Variants in FBXO4 observed in about 807,000 individuals in gnomAD.
The protein encoded by FBXO4 is F-box only protein 4.
FBXO4 carries 36 observed loss-of-function variants against 43.7 expected under a neutral mutation model. The ratio of observed to expected loss-of-function variants is 0.82; its 90% confidence interval spans 0.63 to 1.09. The LOEUF is 1.09. Ranked by LOEUF, FBXO4 falls within the 50% of genes least tolerant of loss-of-function variation. FBXO4 has a pLI of 0.00. For missense variants in FBXO4, 435 were observed against 474.1 expected (o/e 0.92, Z 0.77); for synonymous variants, 180 against 165.6 (o/e 1.09, Z -0.67).
chr5:41,949,198 T>C, the FBXO4 span, among the ~76,000 whole-genome samples: 881 of 152,264 alleles, frequency 5.8e-3, 2 homozygotes, highest in Non-Finnish European at 1.0e-2. Flanking sequence ...AACATAGTAA[T>C]GGAAGTTCTG....
chr5:41,976,391 A>G, the FBXO4 span, among the ~76,000 whole-genome samples: 1 of 152,300 alleles, frequency 6.6e-6, no homozygotes, highest in East Asian at 1.9e-4. Flanking sequence ...CCACTGATGA[A>G]CCTATAAAAT....
chr5:41,992,192 T>A, the FBXO4 span, among the ~76,000 whole-genome samples: 1 of 152,328 alleles, frequency 6.6e-6, no homozygotes, highest in African/African-American at 2.4e-5. Flanking sequence ...TAGCTCTTTA[T>A]ATACTATTGG....
the FBXO4 span, among the ~76,000 whole-genome samples, chr5:41,966,106 A>G: frequency 1.3e-5 from 2 of 152,152 alleles, no homozygotes; most frequent in African/African-American, 2.4e-5. Flanking sequence ...ATGAGAACAC[A>G]TGGACACAGG....
the FBXO4 span, among the ~76,000 whole-genome samples, chr5:41,979,833 AT>A: frequency 1.3e-5 from 2 of 152,222 alleles, no homozygotes; most frequent in African/African-American, 2.4e-5. Flanking sequence ...ATCCTCTCTT[AT>A]TGCTAAAGAC....
At chr5:42,039,904 C>A in the FBXO4 span, among the ~76,000 whole-genome samples, 1 of 152,074 alleles carries the variant, frequency 6.6e-6, no homozygotes, top group Non-Finnish European at 1.5e-5. Flanking sequence ...ATCTTTTCTT[C>A]TGGCTGTGTA....
the FBXO4 span, among the ~76,000 whole-genome samples, chr5:42,037,234 C>T: frequency 1.4e-4 from 21 of 151,960 alleles, no homozygotes; most frequent in Admixed American, 1.4e-3. Context: ...ACCTTGGCAA[C>T]ATTATTTGAG....
the FBXO4 span, among the ~76,000 whole-genome samples, chr5:42,033,750 G>A: frequency 6.3e-3 from 958 of 152,270 alleles, 9 homozygotes; most frequent in Middle Eastern, 0.027. Context: ...TGGTGTATAT[G>A]TATGACATTT....
the FBXO4 span, among the ~76,000 whole-genome samples, chr5:41,978,435 G>A: frequency 6.6e-6 from 1 of 152,006 alleles, no homozygotes; most frequent in South Asian, 2.1e-4. Context: ...GTGAAATGAA[G>A]AAAATATAGA....
the FBXO4 span, among the ~76,000 whole-genome samples, chr5:41,960,870 A>C: frequency 3.3e-5 from 5 of 151,750 alleles, no homozygotes; most frequent in African/African-American, 1.2e-4. Flanking sequence ...AATAATTTTG[A>C]ATTATTTATT....
At chr5:41,993,618 GATAT>G in the FBXO4 span, among the ~76,000 whole-genome samples, 81 of 136,614 alleles carry the variant, frequency 5.9e-4, 1 homozygote, top group East Asian at 2.1e-3. Flanking sequence ...GAACTAATAG[GATAT>G]ATATATATAT....
chr5:42,005,769 T>G, the FBXO4 span, among the ~76,000 whole-genome samples: 1 of 152,218 alleles, frequency 6.6e-6, no homozygotes, highest in South Asian at 2.1e-4. Flanking sequence ...TTTAACCAAG[T>G]CTTTTAAACT....
At chr5:41,992,566 T>C in the FBXO4 span, among the ~76,000 whole-genome samples, 1 of 152,244 alleles carries the variant, frequency 6.6e-6, no homozygotes, top group African/African-American at 2.4e-5. Context: ...AATGGTAGAC[T>C]GCTTGGGGAC....
chr5:41,999,520 T>C, the FBXO4 span, among the ~76,000 whole-genome samples: 955 of 112,678 alleles, frequency 8.5e-3, 32 homozygotes, highest in Admixed American at 0.055. Flanking sequence ...TATATATATA[T>C]ATACATATAT....
the FBXO4 span, among the ~76,000 whole-genome samples, chr5:42,035,358 T>G: frequency 6.6e-6 from 1 of 152,254 alleles, no homozygotes; most frequent in Admixed American, 6.6e-5. Context: ...TCCAATAGTA[T>G]GTTGTATAGG....
chr5:41,942,421 A>G (rs1449849936), downstream of FBXO4, among the ~76,000 whole-genome samples: 1 of 150,502 alleles, frequency 6.6e-6, no homozygotes, highest in Non-Finnish European at 1.5e-5. Context: ...TATATCAGCT[A>G]TCTTTTTTTA....
chr5:42,002,118 T>C, the FBXO4 span, among the ~76,000 whole-genome samples: 1 of 152,204 alleles, frequency 6.6e-6, no homozygotes, highest in African/African-American at 2.4e-5. Flanking sequence ...TCCTTTTTTG[T>C]CTAGTCTTTA....
At chr5:42,027,292 G>A in the FBXO4 span, among the ~76,000 whole-genome samples, 4 of 150,782 alleles carry the variant, frequency 2.7e-5, no homozygotes, top group African/African-American at 9.8e-5. Context: ...ATGTATCTAA[G>A]AATTTGTCCA....
the FBXO4 span, among the ~76,000 whole-genome samples, chr5:41,954,765 G>T: frequency 1.3e-5 from 2 of 151,858 alleles, no homozygotes; most frequent in South Asian, 4.2e-4. Context: ...AAGTGAAGGG[G>T]GTATATCAAA....
chr5:42,031,846 C>T, the FBXO4 span, among the ~76,000 whole-genome samples: 3 of 151,842 alleles, frequency 2.0e-5, no homozygotes, highest in Admixed American at 1.3e-4. Flanking sequence ...TCTAGATATT[C>T]GGTAAGACTT....
Sources: gnomAD v4.1 joint callset for allele counts (sites outside exome capture counted in the v4.1 genomes callset) on GRCh38, gnomAD v4.1.1 for gene constraint, MANE v1.5 for transcripts, NCBI Gene and HGNC (gene_info 2026-07-23, HGNC 2026-07-21) for gene names.